NUP214: variants seen among roughly 807,000 people sequenced by gnomAD.
NUP214 encodes the protein nucleoporin 214.
In NUP214, 79 loss-of-function variants were observed where a neutral mutation model predicts 196.2. The observed-to-expected ratio is 0.40, with a 90% CI of 0.34 to 0.49. The LOEUF (loss-of-function observed/expected upper bound fraction) is 0.49. Among genes scored for constraint, NUP214 ranks in the 20% least tolerant of loss-of-function variants. NUP214 has a pLI of 0.58. For synonymous variants in NUP214, 1,020 were observed against 990.5 expected (o/e 1.03, Z -0.56); for missense variants, 2,468 against 2,539.0 (o/e 0.97, Z 0.60).
chr9:131,133,110 G>A lies in NUP214; in HGVS notation c.732G>A (p.Leu244=). The change falls in exon 7 of 36, where the codon CTG becomes CTA. Residue 244 remains leucine (L), a synonymous_variant. Coordinates refer to ENST00000359428, the MANE Select transcript of NUP214 (RefSeq NM_005085.4). Reference sequence around the variant, plus strand: ...TGATTAAGATGTGTCTTTCAGTTCTGGATGTGCTGTGGATTGGTACCTACG... The same window carrying A: ...TGATTAAGATGTGTCTTTCAGTTCTAGATGTGCTGTGGATTGGTACCTACG... The part of the protein sequence containing the change: ...FYESDHPVRV[L]DVLWIGTYVF... 6.2e-7 allele frequency: 1 copy of A among 1,610,348 alleles called. No homozygotes were observed. The highest frequency in any genetic ancestry group is 1.1e-5 in the South Asian group (1 of 90,582).
At chr9:131,225,008 A>C (rs1295726085) in intron 32 of NUP214, among the ~76,000 whole-genome samples, 3 of 152,200 alleles carry the variant, frequency 2.0e-5, no homozygotes, top group Non-Finnish European at 1.5e-5. Flanking sequence ...TCCACCTGTA[A>C]TCCCAGCAGT....
At chr9:131,137,107 A>G (rs1327583792) in intron 9 of NUP214, among the ~76,000 whole-genome samples, 1 of 152,252 alleles carries the variant, frequency 6.6e-6, no homozygotes, top group Non-Finnish European at 1.5e-5. Flanking sequence ...TTGCTGCTCT[A>G]GAACTATCTT....
At chr9:131,223,745 T>TTTTTTTTTTTA (rs1834645733) in intron 32 of NUP214, among the ~76,000 whole-genome samples, 1 of 65,976 alleles carries the variant, frequency 1.5e-5, no homozygotes, top group African/African-American at 4.7e-5. Flanking sequence ...TTTTTTTTTT[T>TTTTTTTTTTTA]TTTTTTTGAG....
intron 24 of NUP214, among the ~76,000 whole-genome samples, chr9:131,181,146 A>G (rs1398221081): frequency 6.6e-6 from 1 of 152,142 alleles, no homozygotes; most frequent in Non-Finnish European, 1.5e-5. Context: ...CTTTGAATGA[A>G]GAGAGAAAGG....
intron 11 of NUP214, among the ~76,000 whole-genome samples, chr9:131,141,478 C>CTTTTTTTTTTTTT (rs3057295): frequency 3.4e-5 from 4 of 118,716 alleles, no homozygotes; most frequent in Non-Finnish European, 3.4e-5. Context: ...TGAAAAGAAA[C>CTTTTTTTTTTTTT]TTTTTTTTTT....
rs1051827917 is a variant in NUP214 at position 131,151,752 on chromosome 9, T to C, written c.2294T>C (p.Ile765Thr). 8 of 1,611,662 alleles carry C rather than the reference T, an allele frequency of 5.0e-6. No individual in the cohort carries two copies. Among genetic ancestry groups the C allele is most frequent in the African/African-American group, 2.7e-5 (2 of 74,764 alleles). The part of the protein sequence containing the change: ...KETTESLHGD[I>T]SSLKTTLLEG... ...TTTTTCTAGTCGCTTCATGGAGATA[T>C]AAGTAGCCTGAAAACAACTTTACTT... Residue 765 changes from isoleucine to threonine, a missense_variant, in exon 17 of 36, where the codon ATA (isoleucine) becomes ACA (threonine). Around this residue, in one of 5 missense-constraint regions of NUP214, gnomAD observed 1,801 missense variants for 1,779.4 expected, o/e 1.01. Coordinates refer to ENST00000359428, the MANE Select transcript of NUP214 (RefSeq NM_005085.4).
intron 17 of NUP214, among the ~76,000 whole-genome samples, chr9:131,155,267 GT>G (rs746271061): frequency 3.3e-5 from 5 of 152,154 alleles, no homozygotes; most frequent in Non-Finnish European, 5.9e-5. Flanking sequence ...TTTTTTGGAT[GT>G]TTGTCAACCA....
chr9:131,222,678 C>A (rs887894581), intron 31 of NUP214, 100 bp from the exon 32 acceptor site: 47 of 1,409,122 alleles, frequency 3.3e-5, no homozygotes, highest in Non-Finnish European at 4.5e-5. Context: ...CTTGTCACTC[C>A]CATCTTTCCA....
intron 30 of NUP214, among the ~76,000 whole-genome samples, chr9:131,202,787 G>C (rs1833974029): frequency 6.6e-6 from 1 of 151,802 alleles, no homozygotes; most frequent in Admixed American, 6.6e-5. Flanking sequence ...AAAAGAGGAA[G>C]AAGATTTGGC....
chr9:131,133,259 A>G (rs373501138), intron 7 of NUP214, 50 bp downstream of exon 7: 9 of 1,186,872 alleles, frequency 7.6e-6, no homozygotes, highest in Non-Finnish European at 1.0e-5. Flanking sequence ...GAAGTCTTCT[A>G]ATAAAGCTGG....
At position 131,175,449 on chromosome 9, in the gene NUP214, T is replaced by G. The variant is rs769838827; in HGVS notation, c.3158-11T>G. On this transcript the variant is annotated splice_polypyrimidine_tract_variant and intron_variant, in intron 22 of 35. Coordinates refer to ENST00000359428, the MANE Select transcript of NUP214 (RefSeq NM_005085.4). ...TCACCCACTCACACTTAATTTTTCTTTTCCTCTTAGTGGCTACATCTGCTA... is the reference window on the plus strand; with the variant it reads ...TCACCCACTCACACTTAATTTTTCTGTTCCTCTTAGTGGCTACATCTGCTA... 2 of 1,614,062 alleles carry G rather than the reference T, an allele frequency of 1.2e-6. No individual in the cohort carries two copies. The highest frequency in any genetic ancestry group is 8.5e-7 in the Non-Finnish European group (1 of 1,179,938).
At chr9:131,140,819 C>A in intron 11 of NUP214, 109 bp downstream of exon 11, 1 of 1,148,364 alleles carries the variant, frequency 8.7e-7, no homozygotes, top group Non-Finnish European at 1.2e-6. Context: ...CTTTACCAGC[C>A]TGGTCTGTCT....
intron 30 of NUP214, among the ~76,000 whole-genome samples, chr9:131,205,962 C>A (rs1354088932): frequency 6.6e-6 from 1 of 152,128 alleles, no homozygotes; most frequent in Non-Finnish European, 1.5e-5. Context: ...GGATTACAGT[C>A]ATGAGCCACC....
intron 21 of NUP214, among the ~76,000 whole-genome samples, chr9:131,169,745 G>A (rs1043264858): frequency 1.3e-5 from 2 of 152,148 alleles, no homozygotes; most frequent in South Asian, 2.1e-4. Context: ...TAACTCTGCT[G>A]TTGTAATGGG....
chr9:131,165,622 G>A (rs1588142332), intron 21 of NUP214, among the ~76,000 whole-genome samples: 1 of 152,090 alleles, frequency 6.6e-6, no homozygotes, highest in Admixed American at 6.6e-5. Context: ...TCACTTCTGG[G>A]TATATACCCC....
chr9:131,234,598 T>TA lies in NUP214; in HGVS notation c.*1112dup. On this transcript the variant is annotated 3_prime_UTR_variant, in exon 36 of 36. Coordinates refer to ENST00000359428, the MANE Select transcript of NUP214 (RefSeq NM_005085.4). ...GGAGTTGGGAAGAGATTTTTTTTTT[T>TA]AGAGTTTTACATATTGGCAGGTTGT... The TA allele has an allele frequency of 4.4e-6, 1 of 229,302 alleles. No homozygotes were observed. Among genetic ancestry groups the TA allele is most frequent in the Non-Finnish European group, 8.6e-6 (1 of 115,678 alleles). 14.2% of individuals were successfully genotyped at this position (229,302 alleles called of 1,614,324 possible).
At chr9:131,151,992 T>C in intron 17 of NUP214, 98 bp downstream of exon 17, 2 of 907,052 alleles carry the variant, frequency 2.2e-6, no homozygotes, top group Non-Finnish European at 3.1e-6. Context: ...ATGGCTCTTT[T>C]TGAAGTTGTT....
intron 11 of NUP214, 150 bp downstream of exon 11, chr9:131,140,860 A>G: frequency 1.5e-6 from 1 of 663,152 alleles, no homozygotes. Flanking sequence ...TTTTTTTTAA[A>G]CATGCATGTA....
chr9:131,212,964 TTTTTGTAGTTTTTAGATTTTCCATAA>T lies in NUP214; in HGVS notation c.5593-2217_5593-2192del, dbSNP rs547925443. 4.7e-3 allele frequency among the ~76,000 whole-genome samples: 718 copies of T among 152,274 alleles called. 5 individuals are homozygous for T. Among genetic ancestry groups the T allele is most frequent in the African/African-American group, 0.016 (657 of 41,538 alleles). The stretch of plus-strand genomic sequence containing the variant: ...GGGTTCATTATACTCTTCTGTCTGC[TTTTTGTAGTTTTTAGATTTTCCATAA>T]TTTTGTAGTTTTTAGATTTTCCATA... On this transcript the variant is annotated intron_variant, in intron 30 of 35. Transcript: ENST00000359428.
Sources: allele counts gnomAD v4.1 joint callset (sites outside exome capture counted in the v4.1 genomes callset), GRCh38; gene constraint gnomAD v4.1.1; regional missense constraint gnomAD v4.1.1; transcripts MANE v1.5; gene names NCBI Gene and HGNC (gene_info 2026-07-23, HGNC 2026-07-21).